The following MARCHF1 variants were observed in gnomAD, a reference collection of about 807,000 sequenced individuals.
MARCHF1 encodes E3 ubiquitin-protein ligase MARCHF1.
A neutral mutation model predicts 54.2 loss-of-function variants in MARCHF1; 40 were observed. The observed-to-expected ratio is 0.74, with a 90% confidence interval of 0.57 to 0.96. The LOEUF (loss-of-function observed/expected upper bound fraction) is 0.96, where lower values mean the gene tolerates loss of function less well. Ranked by LOEUF, MARCHF1 falls within the 40% of genes least tolerant of loss-of-function variation. The probability of loss-of-function intolerance (pLI) is 0.00; values close to 1 mark genes in which losing one functional copy is unlikely to be tolerated. For synonymous variants in MARCHF1, 236 were observed against 236.3 expected, an observed-to-expected ratio of 1.00 and a Z score of 0.01; for missense variants, 586 against 656.5, an observed-to-expected ratio of 0.89 and a Z score of 1.17.
chr4:164,239,626 T>C (rs1196220651), intron 1 of MARCHF1, among the ~76,000 whole-genome samples: 1 of 152,082 alleles, frequency 6.6e-6, no homozygotes, highest in Non-Finnish European at 1.5e-5. Context: ...AGCATAAGTG[T>C]TTTGACAAAA....
intron 9 of MARCHF1, among the ~76,000 whole-genome samples, chr4:163,534,990 A>T (rs1254062978): frequency 6.6e-6 from 1 of 152,058 alleles, no homozygotes; most frequent in African/African-American, 2.4e-5. Context: ...TTATTTATAA[A>T]TTTCCCAAGT....
chr4:164,021,078 C>CTT lies in MARCHF1; in HGVS notation c.-247-32370_-247-32369insAA, dbSNP rs1560865345. ...ATATTCCCTCCAATCCATTTCTGTCCCTTTTTTTTTTTTTTTTTTCCCTGT... is the reference window on the plus strand; with the variant it reads ...ATATTCCCTCCAATCCATTTCTGTCCTTCTTTTTTTTTTTTTTTTTTCCCTGT... On this transcript the variant is annotated intron_variant, in intron 2 of 9. Coordinates refer to ENST00000514618, the MANE Select transcript of MARCHF1 (RefSeq NM_001394959.1). Among the ~76,000 whole-genome samples, 416 of 92,086 alleles carry CTT rather than the reference C, an allele frequency of 4.5e-3. 3 individuals carry two copies. The highest frequency in any genetic ancestry group is 0.014 in the African/African-American group (400 of 29,534). The allele number at this position is 92,086 out of a possible 152,430, so 60.4% of individuals were successfully genotyped here.
intron 1 of MARCHF1, among the ~76,000 whole-genome samples, chr4:164,305,290 A>G (rs1273520721): frequency 3.3e-5 from 5 of 152,210 alleles, no homozygotes; most frequent in African/African-American, 1.2e-4. Flanking sequence ...CTATAAAATA[A>G]AAGTGCAGAA....
At chr4:163,954,769 G>A (rs1247805364) in intron 3 of MARCHF1, among the ~76,000 whole-genome samples, 1 of 152,150 alleles carries the variant, frequency 6.6e-6, no homozygotes, top group Non-Finnish European at 1.5e-5. Flanking sequence ...CACATTCAGT[G>A]GCAATGTCTA....
chr4:164,334,525 GA>G lies in MARCHF1; in HGVS notation c.-323+49344del, dbSNP rs35268697. 6.5e-3 allele frequency among the ~76,000 whole-genome samples: 964 copies of G among 149,216 alleles called. 10 individuals are homozygous for G. The highest frequency in any genetic ancestry group is 0.022 in the African/African-American group (889 of 40,668). ...ACCCACTGTTGAGACCTACTGCTCAGAAAAAAAAAAATCCTTTCAAAAGTTG... is the reference window on the plus strand; with the variant it reads ...ACCCACTGTTGAGACCTACTGCTCAGAAAAAAAAAATCCTTTCAAAAGTTG... On this transcript the variant is annotated intron_variant, in intron 1 of 9. Coordinates refer to ENST00000514618, the MANE Select transcript of MARCHF1 (RefSeq NM_001394959.1).
At chr4:164,172,980 C>CAAAAAAAAAA (rs35995273) in intron 1 of MARCHF1, among the ~76,000 whole-genome samples, 5 of 127,746 alleles carry the variant, frequency 3.9e-5, no homozygotes, top group African/African-American at 9.5e-5. Context: ...GACTCCGTCT[C>CAAAAAAAAAA]AAAAAAAAAA....
intron 4 of MARCHF1, among the ~76,000 whole-genome samples, chr4:163,828,240 C>T (rs1254730473): frequency 9.2e-5 from 14 of 152,194 alleles, no homozygotes; most frequent in East Asian, 3.9e-4. Context: ...TTACTTCTAA[C>T]GGCAAAGTAC....
chr4:163,702,400 T>C (rs1052926295), intron 4 of MARCHF1, among the ~76,000 whole-genome samples: 3 of 152,298 alleles, frequency 2.0e-5, no homozygotes, highest in Admixed American at 6.5e-5. Flanking sequence ...CATTATTGTG[T>C]AGGACAGAGT....
chr4:163,558,924 G>A (rs533697896), intron 8 of MARCHF1, among the ~76,000 whole-genome samples: 1 of 152,210 alleles, frequency 6.6e-6, no homozygotes, highest in East Asian at 1.9e-4. Context: ...TTAACTTCCT[G>A]TCCTCAGAAT....
chr4:164,197,565 T>C, intron 1 of MARCHF1: 1 of 1,613,378 alleles, frequency 6.2e-7, no homozygotes, highest in Non-Finnish European at 8.5e-7. Flanking sequence ...CTCCGTTGAT[T>C]TTACTTAAGA....
At chr4:164,106,767 A>T (rs1003233654) in intron 2 of MARCHF1, among the ~76,000 whole-genome samples, 24 of 54,500 alleles carry the variant, frequency 4.4e-4, no homozygotes, top group African/African-American at 7.9e-4. Context: ...GAAGTATAAT[A>T]AAAATAAAAA....
intron 1 of MARCHF1, among the ~76,000 whole-genome samples, chr4:164,292,652 C>A (rs147452295): frequency 6.6e-6 from 1 of 152,188 alleles, no homozygotes; most frequent in East Asian, 1.9e-4. Flanking sequence ...ACCACCTGGA[C>A]AATAGCAAAC....
intron 2 of MARCHF1, among the ~76,000 whole-genome samples, chr4:164,049,530 G>A (rs1754314461): frequency 1.3e-5 from 2 of 151,884 alleles, no homozygotes; most frequent in African/African-American, 4.8e-5. Context: ...GTACTAAACT[G>A]TTCATGGCTG....
At chr4:164,142,763 A>G (rs1174871776) in intron 1 of MARCHF1, among the ~76,000 whole-genome samples, 4 of 152,228 alleles carry the variant, frequency 2.6e-5, no homozygotes, top group Non-Finnish European at 5.9e-5. Context: ...AAAGGAGAGC[A>G]ACTCTCCTCC....
chr4:163,860,806 T>A (rs1359127457), intron 3 of MARCHF1, among the ~76,000 whole-genome samples: 1 of 152,174 alleles, frequency 6.6e-6, no homozygotes. Flanking sequence ...ACAAGAATTC[T>A]ATAGCTAGAG....
At chr4:163,828,766 G>A (rs1748928508) in intron 4 of MARCHF1, 1 of 152,196 alleles carries the variant, frequency 6.6e-6, no homozygotes, top group African/African-American at 2.4e-5. Flanking sequence ...TTCTGGCCAT[G>A]TAAGTCGGTG....
intron 1 of MARCHF1, among the ~76,000 whole-genome samples, chr4:164,361,897 A>C (rs1398105683): frequency 2.0e-5 from 3 of 152,116 alleles, no homozygotes; most frequent in Non-Finnish European, 4.4e-5. Flanking sequence ...AATGCCAACA[A>C]TTTTAATCAT....
Position 164,336,840 on chromosome 4 carries a change from A to G in MARCHF1, c.-323+47030T>C, listed in dbSNP as rs183852711. Among the ~76,000 whole-genome samples the G allele has an allele frequency of 3.1e-3, 467 of 152,358 alleles. 3 individuals carry two copies. In the Middle Eastern group the frequency reaches 0.051, roughly 17 times the overall value. On this transcript the variant is annotated intron_variant, in intron 1 of 9. Coordinates refer to ENST00000514618, the MANE Select transcript of MARCHF1 (RefSeq NM_001394959.1). ...CAAAAACCTTTCTCTCCTACAAGTT[A>G]GCAACAAATTTATACACACTGGCAT...
chr4:164,369,476 G>T (rs974865471), intron 1 of MARCHF1, among the ~76,000 whole-genome samples: 10 of 152,100 alleles, frequency 6.6e-5, no homozygotes, highest in African/African-American at 2.2e-4. Flanking sequence ...TCTGTGGTTA[G>T]ATTTTCTTAT....
Sources: allele counts gnomAD v4.1 joint callset (sites outside exome capture counted in the v4.1 genomes callset), GRCh38; gene constraint gnomAD v4.1.1; transcripts MANE v1.5; gene names NCBI Gene and HGNC (gene_info 2026-07-23, HGNC 2026-07-21).